HELZ: variants seen among roughly 807,000 people sequenced by gnomAD.
HELZ encodes the protein helicase with zinc finger, also known as ATP-dependent RNA helicase with zinc finger domain.
HELZ carries 23 observed loss-of-function variants against 218.2 expected under a neutral mutation model. That is an observed-to-expected ratio of 0.11 (90% CI 0.08 to 0.15). The LOEUF (loss-of-function observed/expected upper bound fraction) is 0.15. HELZ is among the 10% of genes least tolerant of loss of function. The pLI is 1.00. For synonymous variants in HELZ, 814 were observed against 829.4 expected, an observed-to-expected ratio of 0.98 and a Z score of 0.32; for missense variants, 1,813 against 2,353.7, an observed-to-expected ratio of 0.77 and a Z score of 4.75.
intron 12 of HELZ, among the ~76,000 whole-genome samples, chr17:67,182,826 T>C (rs2039651412): frequency 6.6e-6 from 1 of 152,212 alleles, no homozygotes; most frequent in Non-Finnish European, 1.5e-5. Context: ...CAACCACATC[T>C]TTACTATTCT....
At chr17:67,158,340 A>G (rs2038901716) in intron 17 of HELZ, among the ~76,000 whole-genome samples, 1 of 152,158 alleles carries the variant, frequency 6.6e-6, no homozygotes, top group Admixed American at 6.5e-5. Context: ...AGATAAAGCT[A>G]ATCTTCCCAG....
Position 67,072,798 on chromosome 17 carries a change from C to T in HELZ, c.*5454G>A, listed in dbSNP as rs1274033596. 1 of 152,182 alleles carries T rather than the reference C, an allele frequency of 6.6e-6. No homozygotes were observed. Among genetic ancestry groups the T allele is most frequent in the East Asian group, 1.9e-4 (1 of 5,200 alleles). The allele number at this position is 152,182 out of a possible 1,614,324, so 9.4% of individuals were successfully genotyped here. On this transcript the variant is annotated 3_prime_UTR_variant, in exon 33 of 33. Transcript: ENST00000358691. ...GTTTTTTACACTGAGTAAATAAATACATGGTTGAAAAGACGTTCAGACTCT... is the reference window on the plus strand; with the variant it reads ...GTTTTTTACACTGAGTAAATAAATATATGGTTGAAAAGACGTTCAGACTCT...
intron 31 of HELZ, among the ~76,000 whole-genome samples, chr17:67,097,350 T>C (rs1316303802): frequency 2.0e-5 from 3 of 152,162 alleles, no homozygotes; most frequent in Non-Finnish European, 4.4e-5. Flanking sequence ...CCATAAACCT[T>C]CAATTTGTAA....
intron 31 of HELZ, among the ~76,000 whole-genome samples, chr17:67,090,483 C>T (rs2036545416): frequency 6.6e-6 from 1 of 152,104 alleles, no homozygotes; most frequent in Admixed American, 6.5e-5. Context: ...TTTTCTTCTT[C>T]ACATTTTTGG....
In HELZ at chr17:67,128,682, C is replaced by T. The variant is rs983579325; in HGVS notation, c.3356G>A (p.Ser1119Asn). ...PRALRLQHSG[S>N]TNKQQQSPPK... is the part of the protein sequence containing the mutation. ...TGGTGATTGCTGCTGTTTGTTGGTACTTCCTGAATGCTGCAGTCTTAGAGC... is the reference window on the plus strand; with the variant it reads ...TGGTGATTGCTGCTGTTTGTTGGTATTTCCTGAATGCTGCAGTCTTAGAGC... Residue 1119 changes from serine (S) to asparagine (N), a missense_variant, in exon 24 of 33, where the codon AGT becomes AAT. Physicochemically the swap from Ser to Asn is conservative, Grantham distance 46. Transcript: ENST00000358691. 5.0e-6 allele frequency: 8 copies of T among 1,614,022 alleles called. No homozygotes were observed. The highest frequency in any genetic ancestry group is 3.3e-5 in the Admixed American group (2 of 60,004).
intron 1 of HELZ, 159 bp downstream of exon 1, chr17:67,244,989 T>G: frequency 3.0e-6 from 3 of 985,424 alleles, no homozygotes; most frequent in Non-Finnish European, 3.6e-6. Context: ...GAGCCGCGCT[T>G]CCCAGGCCCA....
intron 32 of HELZ, among the ~76,000 whole-genome samples, chr17:67,082,195 T>G (rs1555592263): frequency 6.6e-6 from 1 of 152,248 alleles, no homozygotes; most frequent in Non-Finnish European, 1.5e-5. Flanking sequence ...TTCTGTTTCT[T>G]GCAATCAGAT....
chr17:67,191,867 T>C (rs962854265), intron 9 of HELZ, among the ~76,000 whole-genome samples: 6 of 151,258 alleles, frequency 4.0e-5, no homozygotes, highest in Middle Eastern at 3.4e-3. Context: ...AATAAAAACA[T>C]TGATAAAAGA....
chr17:67,108,860 G>T lies in HELZ; in HGVS notation c.4490-134C>A. 1.3e-6 allele frequency: 1 copy of T among 745,092 alleles called. No individual in the cohort carries two copies. Among genetic ancestry groups the T allele is most frequent in the Non-Finnish European group, 2.1e-6 (1 of 472,522 alleles). The allele number at this position is 745,092 out of a possible 1,614,324, so 46.2% of individuals were successfully genotyped here. Reference sequence around the variant, plus strand: ...AATTTGGTTTTGGTAAGAAGTAAATGTTTTCTAAATTTGCCAGAAATCAGT... The same window carrying T: ...AATTTGGTTTTGGTAAGAAGTAAATTTTTTCTAAATTTGCCAGAAATCAGT... On this transcript the variant is annotated intron_variant, in intron 29 of 32. Transcript: ENST00000358691. This position sits in a 1 kb window ranked among gnomAD's most constrained non-coding sequence, Gnocchi z 4.1.
At chr17:67,217,710 G>A (rs944184828) in intron 4 of HELZ, among the ~76,000 whole-genome samples, 1 of 152,036 alleles carries the variant, frequency 6.6e-6, no homozygotes, top group Non-Finnish European at 1.5e-5. Context: ...TGTTTCCATT[G>A]CCTGCAATGC....
chr17:67,125,709 A>G (rs897826910), intron 24 of HELZ, among the ~76,000 whole-genome samples: 1 of 148,514 alleles, frequency 6.7e-6, no homozygotes, highest in Non-Finnish European at 1.5e-5. Context: ...GATCCTGTGA[A>G]TATGTTATGT....
chr17:67,088,387 A>C (rs192326372), intron 31 of HELZ, among the ~76,000 whole-genome samples: 3 of 152,250 alleles, frequency 2.0e-5, no homozygotes, highest in African/African-American at 7.2e-5. Flanking sequence ...ATGAACTGGC[A>C]TAACAATAAC....
intron 5 of HELZ, among the ~76,000 whole-genome samples, chr17:67,209,728 T>C (rs559564003): frequency 3.5e-5 from 5 of 144,330 alleles, no homozygotes; most frequent in Non-Finnish European, 7.6e-5. Flanking sequence ...ACTGGCTCTG[T>C]GCTCTTAAGC....
intron 13 of HELZ, 114 bp from the exon 14 acceptor site, chr17:67,167,910 T>C: frequency 1.4e-6 from 1 of 701,232 alleles, no homozygotes; most frequent in South Asian, 2.1e-5. Context: ...AACCATTATA[T>C]CAATTCCACT....
At chr17:67,199,095 C>T (rs2040100891) in intron 7 of HELZ, among the ~76,000 whole-genome samples, 1 of 152,024 alleles carries the variant, frequency 6.6e-6, no homozygotes, top group East Asian at 1.9e-4. Context: ...TCATTTTATG[C>T]TGTCATTTTA....
intron 7 of HELZ, among the ~76,000 whole-genome samples, chr17:67,198,961 C>T (rs894781631): frequency 6.6e-6 from 1 of 152,094 alleles, no homozygotes; most frequent in Admixed American, 6.6e-5. Context: ...TGTGGCCTTA[C>T]ATGCAACAGG....
At chr17:67,150,420 C>T (rs892696732) in intron 18 of HELZ, among the ~76,000 whole-genome samples, 3 of 152,180 alleles carry the variant, frequency 2.0e-5, no homozygotes, top group Admixed American at 6.5e-5. Flanking sequence ...TAAGCCACCA[C>T]GCCTGGCCCC....
rs566193149 is a variant in HELZ, at chr17:67,168,754, T to A, written c.1431-958A>T. On this transcript the variant is annotated intron_variant, in intron 13 of 32. Coordinates refer to ENST00000358691, the MANE Select transcript of HELZ (RefSeq NM_014877.4). ...ATGTGTGCACGTGAGTATGAGAGAG[T>A]ATGTGTAAAGGCAGCACAGAGAATC... Among the ~76,000 whole-genome samples, 8 of 152,030 alleles carry A rather than the reference T, an allele frequency of 5.3e-5. No individual in the cohort carries two copies. In the South Asian group the frequency reaches 1.7e-3, roughly 32 times the overall value.
chr17:67,134,407 C>T (rs2038082272), intron 23 of HELZ, among the ~76,000 whole-genome samples: 1 of 151,918 alleles, frequency 6.6e-6, no homozygotes, highest in Non-Finnish European at 1.5e-5. Context: ...AAGATACTCT[C>T]CCCTCTCCAA....
Sources: gnomAD v4.1 joint callset for allele counts (sites outside exome capture counted in the v4.1 genomes callset) on GRCh38, gnomAD v4.1.1 for gene constraint, Gnocchi (gnomAD v3.1) non-coding constraint, MANE v1.5 for transcripts, NCBI Gene and HGNC (gene_info 2026-07-23, HGNC 2026-07-21) for gene names.